DDX23: variants seen among roughly 807,000 people sequenced by gnomAD.
DDX23 encodes probable ATP-dependent RNA helicase DDX23.
In DDX23, 33 loss-of-function variants were observed where a neutral mutation model predicts 102.7. That is an observed-to-expected ratio of 0.32 (90% CI 0.24 to 0.43). The LOEUF (loss-of-function observed/expected upper bound fraction) is 0.43, where lower values mean the gene tolerates loss of function less well. Ranked by LOEUF, DDX23 falls within the 20% of genes least tolerant of loss-of-function variation. The probability of loss-of-function intolerance (pLI) is 1.00; values close to 1 mark genes in which losing one functional copy is unlikely to be tolerated. For synonymous variants in DDX23, 352 were observed against 376.0 expected, an observed-to-expected ratio of 0.94 and a Z score of 0.74; for missense variants, 549 against 1,086.6, an observed-to-expected ratio of 0.51 and a Z score of 6.96.
At position 48,843,957 on chromosome 12, in the gene DDX23, C is replaced by G. The variant is rs748811741; in HGVS notation, c.303G>C (p.Lys101Asn). The change falls in exon 3 of 17, where the codon AAG becomes AAC. Residue 101 changes from lysine to asparagine, a missense_variant. Lys to Asn is a moderately conservative substitution (Grantham distance 94). This residue lies in a region of DDX23 where 241 missense variants were observed against 267.0 expected (regional missense o/e 0.90). Transcript: ENST00000308025. ...TCATGTACCTGGATCGTTTACGGTC[C>G]TTGTCCCGTCTGTGCCCATCCTTGT... ...DRDKDGHRRD[K>N]DRKRSSLSPG... The G allele has an allele frequency of 1.2e-6, 2 of 1,614,104 alleles. No homozygotes were observed. Among genetic ancestry groups the G allele is most frequent in the Non-Finnish European group, 1.7e-6 (2 of 1,179,998 alleles).
chr12:48,842,630 A>G (rs1435328947), intron 3 of DDX23, among the ~76,000 whole-genome samples: 409 of 107,326 alleles, frequency 3.8e-3, no homozygotes, highest in Admixed American at 4.8e-3. Context: ...CTGGGAAGTG[A>G]GGAGCCCCTC....
intron 2 of DDX23, among the ~76,000 whole-genome samples, chr12:48,845,209 T>C (rs1938644190): frequency 6.7e-6 from 1 of 148,626 alleles, no homozygotes; most frequent in South Asian, 2.1e-4. Context: ...ATCTCAGCAC[T>C]TGGGGAGGCT....
rs113881802 is a variant in DDX23, at chr12:48,839,815, C to T, written c.480+29G>A. 2.4e-5 allele frequency: 38 copies of T among 1,611,240 alleles called. 1 individual carries two copies. The African/African-American group carries it at 3.5e-4, about 15-fold the overall frequency. On this transcript the variant is annotated intron_variant, in intron 5 of 16. Coordinates refer to ENST00000308025, the MANE Select transcript of DDX23 (RefSeq NM_004818.3). Reference sequence around the variant, plus strand: ...TGGTATTGTGTTATGGCAGCCTGAGCCGATGAATGAAGACCCTCAAGTACT... The same window carrying T: ...TGGTATTGTGTTATGGCAGCCTGAGTCGATGAATGAAGACCCTCAAGTACT...
Position 48,836,361 on chromosome 12 carries a change from A to T in DDX23, c.1237-95T>A. ...GTAAGCACATCTGCTAGCACAATGG[A>T]AGGATGCCAAGTACAGTTCACAGAA... On this transcript the variant is annotated intron_variant, in intron 10 of 16. Coordinates refer to ENST00000308025, the MANE Select transcript of DDX23 (RefSeq NM_004818.3). This position sits in a 1 kb window ranked among gnomAD's most constrained non-coding sequence, Gnocchi z 6.1. 1.4e-6 allele frequency: 2 copies of T among 1,445,856 alleles called. No homozygotes were observed. The highest frequency in any genetic ancestry group is 1.9e-6 in the Non-Finnish European group (2 of 1,040,410). The allele number at this position is 1,445,856 out of a possible 1,614,324, so 89.6% of individuals were successfully genotyped here.
At chr12:48,841,042 T>G (rs1057127609) in intron 3 of DDX23, among the ~76,000 whole-genome samples, 54 of 152,172 alleles carry the variant, frequency 3.5e-4, no homozygotes, top group African/African-American at 1.3e-3. Flanking sequence ...GTTAGGAGCA[T>G]TCTGTCCTCT....
At position 48,832,599 on chromosome 12, in the gene DDX23, G is replaced by C. The variant is rs1290940034; in HGVS notation, c.1804-26C>G. 1 of 1,609,692 alleles carries C rather than the reference G, an allele frequency of 6.2e-7. No homozygotes were observed. The highest frequency in any genetic ancestry group is 8.5e-7 in the Non-Finnish European group (1 of 1,176,602). On this transcript the variant is annotated intron_variant, in intron 13 of 16. Coordinates refer to ENST00000308025, the MANE Select transcript of DDX23 (RefSeq NM_004818.3). This position sits in a 1 kb window ranked among gnomAD's most constrained non-coding sequence, Gnocchi z 4.4. ...CTACGAAAACAGGAGGCTCAGCCCT[G>C]CACCCAGGCAGGAATAATCATATAT...
intron 5 of DDX23, 109 bp downstream of exon 5, chr12:48,839,735 C>T: frequency 8.7e-7 from 1 of 1,142,904 alleles, no homozygotes. Context: ...TCTCAGACTT[C>T]CAGCCTCCAG....
intron 3 of DDX23, 64 bp from the exon 4 acceptor site, chr12:48,840,170 G>A (rs1291734086): frequency 4.6e-6 from 6 of 1,318,570 alleles, no homozygotes; most frequent in Non-Finnish European, 5.5e-6. Flanking sequence ...GGTTCAAGTT[G>A]AGCCCCGAAA....
At chr12:48,841,572 T>A (rs1938551753) in intron 3 of DDX23, among the ~76,000 whole-genome samples, 1 of 152,224 alleles carries the variant, frequency 6.6e-6, no homozygotes. Context: ...CTGATTCTCG[T>A]GCCTCAGCCT....
Position 48,831,328 on chromosome 12 carries a change from A to C in DDX23, c.2065-12T>G. 1 of 1,613,984 alleles carries C rather than the reference A, an allele frequency of 6.2e-7. No homozygotes were observed. The highest frequency in any genetic ancestry group is 8.5e-7 in the Non-Finnish European group (1 of 1,179,944). ...GTGCAAGCATTGTACTGTTGGAAGAATGGTGAAGTGAAGAGTGAGCAATGC... is the reference window on the plus strand; with the variant it reads ...GTGCAAGCATTGTACTGTTGGAAGACTGGTGAAGTGAAGAGTGAGCAATGC... On this transcript the variant is annotated splice_polypyrimidine_tract_variant and intron_variant, in intron 15 of 16. Transcript: ENST00000308025.
chr12:48,845,750 A>G lies in DDX23; in HGVS notation c.33T>C (p.Arg11=). ...TTTCCTCCTTGGAAGGTGATGCATC[A>G]CGGTCCTTTTTGTCAGCCAGCTCTC... is the stretch of plus-strand genomic sequence containing the variant. MAGELADKKD[R]DASPSKEERK... The change falls in exon 2 of 17, where the codon CGT becomes CGC. Residue 11 remains arginine, a synonymous_variant. Transcript: ENST00000308025. 6.2e-7 allele frequency: 1 copy of G among 1,614,182 alleles called. No individual in the cohort carries two copies. The highest frequency in any genetic ancestry group is 8.5e-7 in the Non-Finnish European group (1 of 1,180,038).
chr12:48,845,273 A>G (rs1377365259), intron 2 of DDX23, among the ~76,000 whole-genome samples: 4 of 151,708 alleles, frequency 2.6e-5, no homozygotes, highest in Non-Finnish European at 5.9e-5. Context: ...ACACGGTGAA[A>G]CCTCATCTCT....
chr12:48,844,371 C>T (rs936984037), intron 2 of DDX23, among the ~76,000 whole-genome samples: 1 of 151,454 alleles, frequency 6.6e-6, no homozygotes, highest in Admixed American at 6.6e-5. Flanking sequence ...CTCTGCCTCC[C>T]GAGTTCAAGG....
chr12:48,851,090 T>TTAA (rs1938749919), intron 1 of DDX23, among the ~76,000 whole-genome samples: 1 of 152,182 alleles, frequency 6.6e-6, no homozygotes, highest in Non-Finnish European at 1.5e-5. Flanking sequence ...ATGACGTATT[T>TTAA]AACAAGCATC....
intron 2 of DDX23, 53 bp downstream of exon 2, chr12:48,845,521 A>G (rs1358963163): frequency 1.9e-6 from 3 of 1,599,568 alleles, no homozygotes; most frequent in Non-Finnish European, 2.6e-6. Context: ...AAGAAGGAAG[A>G]AATCTGAAAC....
At chr12:48,831,435 G>T in intron 15 of DDX23, 119 bp from the exon 16 acceptor site, 1 of 939,048 alleles carries the variant, frequency 1.1e-6, no homozygotes, top group Non-Finnish European at 1.7e-6. Context: ...TACGAGAAAG[G>T]AAAGGAAACA....
intron 2 of DDX23, among the ~76,000 whole-genome samples, chr12:48,845,078 G>A (rs534329879): frequency 1.3e-4 from 19 of 151,280 alleles, no homozygotes; most frequent in Admixed American, 3.9e-4. Context: ...CTTGAACCTG[G>A]GAGGCAGAGG....
At chr12:48,840,199 C>G in intron 3 of DDX23, 93 bp from the exon 4 acceptor site, 1 of 973,324 alleles carries the variant, frequency 1.0e-6, no homozygotes. Context: ...GAAGTTTCCC[C>G]ATGACTCAAC....
rs531339474 is a variant in DDX23, at chr12:48,831,971, C to T, written c.2064+107G>A. On this transcript the variant is annotated intron_variant, in intron 15 of 16. Transcript: ENST00000308025. ...TGGTCCTAACTTGTTGATTGCTGGACAGGCTAAAGAAAGGGTGAGACTTGA... is the reference window on the plus strand; with the variant it reads ...TGGTCCTAACTTGTTGATTGCTGGATAGGCTAAAGAAAGGGTGAGACTTGA... 8.2e-5 allele frequency: 83 copies of T among 1,011,784 alleles called. No homozygotes were observed. In the East Asian group the frequency reaches 1.3e-3, roughly 15 times the overall value. The allele number at this position is 1,011,784 out of a possible 1,614,324, so 62.7% of individuals were successfully genotyped here. A position where few individuals can be genotyped will look rare whatever the true frequency, so the allele number is the denominator to read the frequency against.
Sources: allele counts gnomAD v4.1 joint callset (sites outside exome capture counted in the v4.1 genomes callset), GRCh38; gene constraint gnomAD v4.1.1; regional missense constraint gnomAD v4.1.1; non-coding constraint Gnocchi (gnomAD v3.1); transcripts MANE v1.5; gene names NCBI Gene and HGNC (gene_info 2026-07-23, HGNC 2026-07-21).